The following USP25 variants were observed in gnomAD, a reference collection of about 807,000 sequenced individuals.
USP25 encodes ubiquitin specific peptidase 25.
USP25 carries 85 observed loss-of-function variants against 158.5 expected under a neutral mutation model. The observed-to-expected ratio is 0.54, with a 90% confidence interval of 0.45 to 0.64. The LOEUF is 0.64. USP25 is among the 30% of genes least tolerant of loss of function. The probability of loss-of-function intolerance (pLI) is 0.00; values close to 1 mark genes in which losing one functional copy is unlikely to be tolerated. For missense variants in USP25, 1,242 were observed against 1,327.3 expected (o/e 0.94, Z 1.00); for synonymous variants, 464 against 460.4 (o/e 1.01, Z -0.10).
chr21:15,844,230 C>T (rs1396232172), intron 18 of USP25, among the ~76,000 whole-genome samples: 2 of 152,120 alleles, frequency 1.3e-5, no homozygotes, highest in Admixed American at 6.6e-5. Context: ...ATGGTAACTA[C>T]TTCATAGCGG....
rs542346788 is a variant in USP25, at chr21:15,876,941, G to A, written c.3010-855G>A. ...AAATAAGAACCCTTAAATATTATAG[G>A]TCTTATACCTGTATTTATCTCTTAT... is the stretch of plus-strand genomic sequence containing the variant. On this transcript the variant is annotated intron_variant, in intron 24 of 25. Transcript: ENST00000400183. The A allele has an allele frequency of 6.6e-5, 10 of 151,906 alleles. No homozygotes were observed. In the South Asian group the frequency reaches 2.1e-3, roughly 32 times the overall value. The allele number at this position is 151,906 out of a possible 1,614,324, so 9.4% of individuals were successfully genotyped here. A position where few individuals can be genotyped will look rare whatever the true frequency, so the allele number is the denominator to read the frequency against.
intron 20 of USP25, among the ~76,000 whole-genome samples, chr21:15,862,470 A>G (rs2146546492): frequency 6.6e-6 from 1 of 152,126 alleles, no homozygotes; most frequent in South Asian, 2.1e-4. Context: ...TCATTATCGA[A>G]GGTTCATATC....
At chr21:15,771,992 A>T (rs995972050) in intron 3 of USP25, among the ~76,000 whole-genome samples, 1 of 151,872 alleles carries the variant, frequency 6.6e-6, no homozygotes, top group African/African-American at 2.4e-5. Flanking sequence ...TGAATTCAAA[A>T]TATTTACATA....
rs781240763 is a variant in USP25 at position 15,777,955 on chromosome 21, C to T, written c.320C>T (p.Ala107Val). ...DDKDDLQRAI[A>V]LSLAESNRAF... ...AAAGATGATCTTCAGAGAGCAATTG[C>T]CTTGAGTTTGGCCGAATCAAACAGG... Residue 107 changes from alanine (A) to valine (V), a missense_variant, in exon 4 of 26, where the codon GCC becomes GTC. Ala to Val is a moderately conservative substitution (Grantham distance 64). Coordinates refer to ENST00000400183, the MANE Select transcript of USP25 (RefSeq NM_001283041.3). 1 of 1,611,816 alleles carries T rather than the reference C, an allele frequency of 6.2e-7. No homozygotes were observed. Among genetic ancestry groups the T allele is most frequent in the Non-Finnish European group, 8.5e-7 (1 of 1,179,146 alleles).
At chr21:15,736,042 T>C (rs2031480162) in intron 1 of USP25, among the ~76,000 whole-genome samples, 1 of 151,212 alleles carries the variant, frequency 6.6e-6, no homozygotes, top group Admixed American at 6.6e-5. Flanking sequence ...AGACATGCCA[T>C]TTTTTTTATC....
intron 23 of USP25, among the ~76,000 whole-genome samples, chr21:15,872,918 A>C (rs2039953086): frequency 6.6e-6 from 1 of 152,150 alleles, no homozygotes; most frequent in African/African-American, 2.4e-5. Flanking sequence ...ATTTTTTAAA[A>C]TATATTTTTC....
chr21:15,850,113 G>A (rs2058024490), intron 20 of USP25, among the ~76,000 whole-genome samples: 1 of 151,942 alleles, frequency 6.6e-6, no homozygotes, highest in Non-Finnish European at 1.5e-5. Flanking sequence ...CTAATAGTGT[G>A]CTTTTGATTT....
At chr21:15,775,616 G>T (rs751098667) in intron 3 of USP25, among the ~76,000 whole-genome samples, 3 of 151,816 alleles carry the variant, frequency 2.0e-5, no homozygotes, top group African/African-American at 7.3e-5. Flanking sequence ...TCTAGTTGCC[G>T]CTTATATTCC....
chr21:15,804,521 T>C (rs1332259231), intron 6 of USP25, among the ~76,000 whole-genome samples: 1 of 151,932 alleles, frequency 6.6e-6, no homozygotes, highest in Non-Finnish European at 1.5e-5. Context: ...TTTCTAATAA[T>C]CGGGTGAGGT....
intron 3 of USP25, among the ~76,000 whole-genome samples, chr21:15,767,471 A>G (rs1231436630): frequency 6.6e-6 from 1 of 152,064 alleles, no homozygotes; most frequent in East Asian, 1.9e-4. Flanking sequence ...TTGCTTGAAC[A>G]TTATTGGTGC....
At chr21:15,759,132 A>C (rs1349232203) in intron 1 of USP25, among the ~76,000 whole-genome samples, 1 of 152,322 alleles carries the variant, frequency 6.6e-6, no homozygotes, top group East Asian at 1.9e-4. Context: ...CAGACTTATA[A>C]AAATTATAAA....
intron 17 of USP25, among the ~76,000 whole-genome samples, chr21:15,840,805 T>G (rs2038297757): frequency 6.6e-6 from 1 of 152,238 alleles, no homozygotes; most frequent in Non-Finnish European, 1.5e-5. Context: ...ATGGATTTAT[T>G]GCTTTAAGTT....
intron 1 of USP25, among the ~76,000 whole-genome samples, chr21:15,741,863 C>T (rs2123225003): frequency 6.6e-6 from 1 of 152,232 alleles, no homozygotes; most frequent in South Asian, 2.1e-4. Context: ...AGGTACATTG[C>T]TGAAAAATGG....
At chr21:15,845,067 G>A (rs981476787) in intron 18 of USP25, among the ~76,000 whole-genome samples, 6 of 152,070 alleles carry the variant, frequency 3.9e-5, no homozygotes, top group African/African-American at 1.2e-4. Context: ...TCCCATGCTA[G>A]AAATGAAAAC....
chr21:15,833,626 T>G (rs2037918941), intron 17 of USP25, 78 bp downstream of exon 17: 2 of 1,290,852 alleles, frequency 1.5e-6, no homozygotes, highest in African/African-American at 3.0e-5. Flanking sequence ...TTAAAAAGTT[T>G]TAGCTATCTT....
chr21:15,744,487 G>T (rs1189941391), intron 1 of USP25, among the ~76,000 whole-genome samples: 1 of 151,990 alleles, frequency 6.6e-6, no homozygotes, highest in African/African-American at 2.4e-5. Context: ...CACCAGGCCT[G>T]GCTAATTTTT....
At position 15,831,965 on chromosome 21, in the gene USP25, C is replaced by T. The variant is rs1397296180; in HGVS notation, c.1993+336C>T. 2.0e-5 allele frequency among the ~76,000 whole-genome samples: 3 copies of T among 152,200 alleles called. No homozygotes were observed. In the South Asian group the frequency reaches 6.2e-4, roughly 31 times the overall value. On this transcript the variant is annotated intron_variant, in intron 16 of 25. Transcript: ENST00000400183. ...TTCTTGGCCTCTGATTATCTCCCCA[C>T]CTTCATTGATCACCAGTGTTCCTTT...
intron 10 of USP25, 120 bp from the exon 11 acceptor site, chr21:15,823,919 T>G: frequency 6.2e-6 from 6 of 973,482 alleles, no homozygotes; most frequent in Non-Finnish European, 7.4e-6. Context: ...CAGTTACTTG[T>G]CAGGTCCGCA....
At position 15,843,119 on chromosome 21, in the gene USP25, A is replaced by T. The variant is rs2038417475; in HGVS notation, c.2337+579A>T. Among the ~76,000 whole-genome samples the T allele has an allele frequency of 1.3e-5, 2 of 149,386 alleles. No individual in the cohort carries two copies. Among genetic ancestry groups the T allele is most frequent in the Admixed American group, 6.6e-5 (1 of 15,172 alleles). On this transcript the variant is annotated intron_variant, in intron 18 of 25. Coordinates refer to ENST00000400183, the MANE Select transcript of USP25 (RefSeq NM_001283041.3). This position sits in a 1 kb window ranked among gnomAD's most constrained non-coding sequence, Gnocchi z 4.0. ...CTACTCTATTGTAGTTTTCAACTAC[A>T]TCTTTTTATAGCGGTAAATTGAGCA...
Sources: gnomAD v4.1 joint callset for allele counts (sites outside exome capture counted in the v4.1 genomes callset) on GRCh38, gnomAD v4.1.1 for gene constraint, Gnocchi (gnomAD v3.1) non-coding constraint, MANE v1.5 for transcripts, NCBI Gene and HGNC (gene_info 2026-07-23, HGNC 2026-07-21) for gene names.